Variants in CSMD3 observed in about 807,000 individuals in gnomAD.
CSMD3 encodes the protein CUB and Sushi multiple domains 3.
CSMD3 carries 177 observed loss-of-function variants against 435.2 expected under a neutral mutation model. The observed-to-expected ratio is 0.41, with a 90% CI of 0.36 to 0.46. The LOEUF is 0.46. Among genes scored for constraint, CSMD3 ranks in the 20% least tolerant of loss-of-function variants. The probability of loss-of-function intolerance (pLI) is 0.34; values close to 1 mark genes in which losing one functional copy is unlikely to be tolerated. For synonymous variants in CSMD3, 1,656 were observed against 1,520.5 expected, an observed-to-expected ratio of 1.09 and a Z score of -2.07; for missense variants, 4,265 against 4,504.6, an observed-to-expected ratio of 0.95 and a Z score of 1.52.
At chr8:112,473,928 G>C (rs1417921510) in intron 31 of CSMD3, among the ~76,000 whole-genome samples, 1 of 151,960 alleles carries the variant, frequency 6.6e-6, no homozygotes, top group Non-Finnish European at 1.5e-5. Context: ...GTAGGGCTGA[G>C]CCTGTTGCCG....
intron 31 of CSMD3, among the ~76,000 whole-genome samples, chr8:112,483,205 T>TTTAGGC (rs1302816539): frequency 1.3e-5 from 2 of 152,084 alleles, no homozygotes. Context: ...CAGGTTTAGG[T>TTTAGGC]TTAGGCTGGG....
chr8:113,365,057 A>G (rs377144800), intron 1 of CSMD3, among the ~76,000 whole-genome samples: 1 of 152,074 alleles, frequency 6.6e-6, no homozygotes. Context: ...GTTCTGTAGA[A>G]TACATTTATG....
In CSMD3 at chr8:112,911,305, G is replaced by T. The variant is rs908999165; in HGVS notation, c.1633+10322C>A. Among the ~76,000 whole-genome samples the T allele has an allele frequency of 1.2e-3, 181 of 151,862 alleles. 6 individuals are homozygous for T. The highest frequency in any genetic ancestry group is 9.3e-4 in the Non-Finnish European group (63 of 67,914). The stretch of plus-strand genomic sequence containing the variant: ...AAGATACAATTGACAAATAAAAAAT[G>T]TATATATGATATTTTGATATTTGTC... On this transcript the variant is annotated intron_variant, in intron 10 of 70. Coordinates refer to ENST00000297405, the MANE Select transcript of CSMD3 (RefSeq NM_198123.2).
chr8:113,227,458 T>C (rs1278864138), intron 3 of CSMD3, among the ~76,000 whole-genome samples: 1 of 151,596 alleles, frequency 6.6e-6, no homozygotes, highest in Admixed American at 6.6e-5. Context: ...AATATAACTT[T>C]ATAAGGATCA....
chr8:112,993,634 C>A (rs1433033057), intron 6 of CSMD3, among the ~76,000 whole-genome samples: 3 of 151,606 alleles, frequency 2.0e-5, no homozygotes, highest in Admixed American at 1.3e-4. Flanking sequence ...GGTACAGAAA[C>A]AATAAACCCA....
intron 10 of CSMD3, among the ~76,000 whole-genome samples, chr8:112,887,947 A>T (rs1275595379): frequency 6.6e-6 from 1 of 151,718 alleles, no homozygotes; most frequent in African/African-American, 2.4e-5. Context: ...GCTGTCCAAC[A>T]TTATTACTTC....
chr8:112,359,699 A>G (rs1360834834), intron 38 of CSMD3, among the ~76,000 whole-genome samples: 1 of 152,110 alleles, frequency 6.6e-6, no homozygotes, highest in Non-Finnish European at 1.5e-5. Context: ...CAGGCAGTAA[A>G]GATCAGGAGT....
intron 13 of CSMD3, among the ~76,000 whole-genome samples, chr8:112,705,646 T>C (rs1587020773): frequency 6.6e-6 from 1 of 152,036 alleles, no homozygotes; most frequent in Admixed American, 6.6e-5. Flanking sequence ...ACAAAAAAGA[T>C]GCAAGCCATA....
chr8:113,132,926 A>C (rs894803467), intron 4 of CSMD3, among the ~76,000 whole-genome samples: 2 of 152,154 alleles, frequency 1.3e-5, no homozygotes, highest in South Asian at 2.1e-4. Flanking sequence ...GAGTAATAGG[A>C]TTTCTTACAA....
At position 113,304,897 on chromosome 8, in the gene CSMD3, T is replaced by C. The variant is rs1353638077; in HGVS notation, c.401+9674A>G. On this transcript the variant is annotated intron_variant, in intron 2 of 70. Coordinates refer to ENST00000297405, the MANE Select transcript of CSMD3 (RefSeq NM_198123.2). The stretch of plus-strand genomic sequence containing the variant: ...ACCTGCACAATGTGCACATGTACCC[T>C]AAAACTTAAAGTATAATAAAAAAAA... 5.4e-5 allele frequency among the ~76,000 whole-genome samples: 6 copies of C among 111,202 alleles called. No homozygotes were observed. The East Asian group carries it at 1.8e-3, about 34-fold the overall frequency. 73.0% of individuals were successfully genotyped at this position (111,202 alleles called of 152,430 possible).
At chr8:112,276,351 A>T (rs1818041316) in intron 59 of CSMD3, among the ~76,000 whole-genome samples, 1 of 152,172 alleles carries the variant, frequency 6.6e-6, no homozygotes, top group Non-Finnish European at 1.5e-5. Context: ...CACATGTTAC[A>T]AGTTGTCGAT....
chr8:112,587,100 C>T lies in CSMD3; in HGVS notation c.3851G>A (p.Arg1284Lys), dbSNP rs2131353099. 3 of 1,610,998 alleles carry T rather than the reference C, an allele frequency of 1.9e-6. No homozygotes were observed. The highest frequency in any genetic ancestry group is 1.7e-5 in the Admixed American group (1 of 59,818). ...ATCTCCTTGTGCTAAATGAAATGTTCTGGCTGAAATATTGATTCCCTTTCC... is the reference window on the plus strand; with the variant it reads ...ATCTCCTTGTGCTAAATGAAATGTTTTGGCTGAAATATTGATTCCCTTTCC... ...QAGKGINISA[R>K]TFHLAQGDVL... The change falls in exon 23 of 71, where the codon AGA becomes AAA. Residue 1284 changes from arginine (R) to lysine (K), a missense_variant. Arg to Lys is a conservative substitution (Grantham distance 26). This residue lies in a region of CSMD3 where 3,255 missense variants were observed against 3,380.2 expected (regional missense o/e 0.96). Coordinates refer to ENST00000297405, the MANE Select transcript of CSMD3 (RefSeq NM_198123.2).
At chr8:113,066,050 T>C (rs2088840391) in intron 5 of CSMD3, among the ~76,000 whole-genome samples, 1 of 151,100 alleles carries the variant, frequency 6.6e-6, no homozygotes, top group Admixed American at 6.6e-5. Flanking sequence ...ATTTTTTTTT[T>C]TCTGAGAGGT....
chr8:113,257,616 T>C (rs1161429971), intron 3 of CSMD3, among the ~76,000 whole-genome samples: 1 of 152,120 alleles, frequency 6.6e-6, no homozygotes, highest in Non-Finnish European at 1.5e-5. Context: ...AGGAGTAAAA[T>C]ACTTTCTCAA....
chr8:113,245,050 AAC>A, intron 3 of CSMD3, among the ~76,000 whole-genome samples: 1 of 152,230 alleles, frequency 6.6e-6, no homozygotes, highest in South Asian at 2.1e-4. Flanking sequence ...TGACAATTCA[AAC>A]AGTTATCGTC....
At chr8:112,511,932 C>T (rs1337589347) in intron 28 of CSMD3, among the ~76,000 whole-genome samples, 1 of 152,136 alleles carries the variant, frequency 6.6e-6, no homozygotes, top group African/African-American at 2.4e-5. Context: ...ACTTTCTTTT[C>T]CCATCCATAA....
intron 3 of CSMD3, among the ~76,000 whole-genome samples, chr8:113,218,792 G>A (rs1270956486): frequency 6.6e-6 from 1 of 151,168 alleles, no homozygotes; most frequent in Non-Finnish European, 1.5e-5. Flanking sequence ...GGCCAGAAAT[G>A]CTTCATATTT....
At chr8:112,500,308 T>C (rs770750736) in intron 30 of CSMD3, among the ~76,000 whole-genome samples, 28 of 152,052 alleles carry the variant, frequency 1.8e-4, no homozygotes, top group Admixed American at 5.9e-4. Flanking sequence ...AAATCATGAA[T>C]GAAAGGAACT....
At chr8:113,365,180 G>A (rs1196071019) in intron 1 of CSMD3, among the ~76,000 whole-genome samples, 1 of 151,628 alleles carries the variant, frequency 6.6e-6, no homozygotes, top group Non-Finnish European at 1.5e-5. Context: ...GTAAGCAGAA[G>A]GAAATTTTAA....
Sources: allele counts gnomAD v4.1 joint callset (sites outside exome capture counted in the v4.1 genomes callset), GRCh38; gene constraint gnomAD v4.1.1; regional missense constraint gnomAD v4.1.1; transcripts MANE v1.5; gene names NCBI Gene and HGNC (gene_info 2026-07-23, HGNC 2026-07-21).